The following TNR variants were observed in gnomAD, a reference collection of about 807,000 sequenced individuals.
TNR encodes the protein tenascin R.
In TNR, 45 loss-of-function variants were observed where a neutral mutation model predicts 150.4. The observed-to-expected ratio is 0.30, with a 90% CI of 0.24 to 0.38. The LOEUF (loss-of-function observed/expected upper bound fraction) is 0.38, where lower values mean the gene tolerates loss of function less well. Among genes scored for constraint, TNR ranks in the 10% least tolerant of loss-of-function variants. The probability of loss-of-function intolerance (pLI) is 1.00; values close to 1 mark genes in which losing one functional copy is unlikely to be tolerated. For synonymous variants in TNR, 687 were observed against 678.4 expected (o/e 1.01, Z -0.20); for missense variants, 1,544 against 1,759.1 (o/e 0.88, Z 2.19).
intron 20 of TNR, among the ~76,000 whole-genome samples, chr1:175,334,013 T>C (rs2101989120): frequency 6.6e-6 from 1 of 151,820 alleles, no homozygotes; most frequent in East Asian, 1.9e-4. Context: ...TGTAGAGGAG[T>C]CTTCAGAGGC....
intron 1 of TNR, among the ~76,000 whole-genome samples, chr1:175,579,672 G>T (rs966360882): frequency 6.6e-6 from 1 of 151,142 alleles, no homozygotes; most frequent in Non-Finnish European, 1.5e-5. Context: ...GGTCAGTTTG[G>T]GATGGTGATG....
At chr1:175,439,866 C>T (rs1279317474) in intron 2 of TNR, among the ~76,000 whole-genome samples, 1 of 152,132 alleles carries the variant, frequency 6.6e-6, no homozygotes, top group Non-Finnish European at 1.5e-5. Context: ...ATTAAAAAGT[C>T]AAGAAACAAC....
At position 175,356,474 on chromosome 1, in the gene TNR, T is replaced by C. The variant is rs2102006806; in HGVS notation, c.2975-12A>G. The C allele has an allele frequency of 6.2e-7, 1 of 1,613,600 alleles. No homozygotes were observed. Among genetic ancestry groups the C allele is most frequent in the East Asian group, 2.2e-5 (1 of 44,858 alleles). On this transcript the variant is annotated splice_polypyrimidine_tract_variant and intron_variant, in intron 15 of 22. Transcript: ENST00000367674. ...GGTCTCTCCAGCGACTGAACTCAAA[T>C]GAATATGAATAAGGGTTGAATAAGG... is the stretch of plus-strand genomic sequence containing the variant.
intron 1 of TNR, among the ~76,000 whole-genome samples, chr1:175,653,500 T>C (rs531977643): frequency 2.0e-5 from 3 of 152,260 alleles, no homozygotes; most frequent in Admixed American, 6.5e-5. Flanking sequence ...AAGTGGGTGT[T>C]GATAGGGCTA....
chr1:175,330,941 T>C (rs1649719277), intron 20 of TNR, among the ~76,000 whole-genome samples: 1 of 152,204 alleles, frequency 6.6e-6, no homozygotes. Context: ...TATATTCTTT[T>C]AAGGTGCAAA....
At chr1:175,716,451 G>A (rs974181023) in intron 1 of TNR, among the ~76,000 whole-genome samples, 2 of 152,132 alleles carry the variant, frequency 1.3e-5, no homozygotes, top group Non-Finnish European at 2.9e-5. Flanking sequence ...GTCATGGCTT[G>A]TAAGTTCCTG....
At chr1:175,686,885 C>T (rs1205395216) in intron 1 of TNR, among the ~76,000 whole-genome samples, 1 of 152,168 alleles carries the variant, frequency 6.6e-6, no homozygotes, top group African/African-American at 2.4e-5. Flanking sequence ...TTATCTAGCT[C>T]ACCATTGATG....
intron 14 of TNR, among the ~76,000 whole-genome samples, chr1:175,360,903 C>T (rs550298658): frequency 1.3e-5 from 2 of 152,276 alleles, no homozygotes; most frequent in South Asian, 2.1e-4. Flanking sequence ...CCACAACAAA[C>T]ATACAACAGC....
chr1:175,606,887 C>T (rs920741661), intron 1 of TNR, among the ~76,000 whole-genome samples: 2 of 152,218 alleles, frequency 1.3e-5, no homozygotes, highest in Non-Finnish European at 2.9e-5. Flanking sequence ...ATGCCCAGTG[C>T]ACTCCAGGGC....
intron 1 of TNR, among the ~76,000 whole-genome samples, chr1:175,641,110 C>A (rs1208212521): frequency 1.3e-5 from 2 of 151,804 alleles, no homozygotes; most frequent in Non-Finnish European, 2.9e-5. Flanking sequence ...AACTATAGAG[C>A]AAAATAAAAT....
intron 1 of TNR, among the ~76,000 whole-genome samples, chr1:175,633,221 A>G (rs1664388438): frequency 6.6e-6 from 1 of 152,146 alleles, no homozygotes; most frequent in South Asian, 2.1e-4. Context: ...GGGTCTTTCT[A>G]TTATTCATAC....
chr1:175,630,482 G>A (rs1026789058), intron 1 of TNR, among the ~76,000 whole-genome samples: 6 of 152,182 alleles, frequency 3.9e-5, no homozygotes, highest in Non-Finnish European at 5.9e-5. Context: ...GGGGTTAGGC[G>A]CTGTACATAC....
Position 175,394,286 on chromosome 1 carries a change from A to AC in TNR, c.1241-392dup, listed in dbSNP as rs573326029. ...GCAGTATCTTTAGAAGCTTTACAGG[A>AC]CTCCCGGGAGGTACTATGATGGCTT... On this transcript the variant is annotated intron_variant, in intron 5 of 22. Coordinates refer to ENST00000367674, the MANE Select transcript of TNR (RefSeq NM_003285.3). Among the ~76,000 whole-genome samples the AC allele has an allele frequency of 2.2e-4, 33 of 151,876 alleles. No homozygotes were observed. The East Asian group carries it at 4.6e-3, about 21-fold the overall frequency.
intron 1 of TNR, among the ~76,000 whole-genome samples, chr1:175,572,069 G>A (rs1006095166): frequency 6.6e-6 from 1 of 152,110 alleles, no homozygotes; most frequent in Non-Finnish European, 1.5e-5. Flanking sequence ...AGCAGTCTGT[G>A]CTGTCTGAGC....
intron 2 of TNR, among the ~76,000 whole-genome samples, chr1:175,514,169 C>T (rs563549228): frequency 6.6e-6 from 1 of 152,286 alleles, no homozygotes; most frequent in South Asian, 2.1e-4. Flanking sequence ...ACCTGATGAA[C>T]TGGGTATTCC....
At chr1:175,552,165 C>A (rs533500010) in intron 1 of TNR, among the ~76,000 whole-genome samples, 1 of 152,234 alleles carries the variant, frequency 6.6e-6, no homozygotes, top group African/African-American at 2.4e-5. Flanking sequence ...AATTCCATGT[C>A]GGTAGGTAGG....
chr1:175,464,342 AAT>A (rs1656940072), intron 2 of TNR, among the ~76,000 whole-genome samples: 1 of 152,222 alleles, frequency 6.6e-6, no homozygotes, highest in South Asian at 2.1e-4. Flanking sequence ...TGGTAAGTGA[AAT>A]GTGAACAATC....
At chr1:175,356,633 CTCATA>C (rs748188456) in intron 15 of TNR, among the ~76,000 whole-genome samples, 171 bp from the exon 16 acceptor site, 28 of 152,266 alleles carry the variant, frequency 1.8e-4, no homozygotes, top group Admixed American at 3.9e-4. Flanking sequence ...CCCCTCTCAT[CTCATA>C]TCATAATTGA....
chr1:175,696,837 C>G (rs1666543021), intron 1 of TNR, among the ~76,000 whole-genome samples: 1 of 149,446 alleles, frequency 6.7e-6, no homozygotes. Flanking sequence ...CGAGATCGTG[C>G]CATTGCACTT....
Sources: gnomAD v4.1 joint callset for allele counts (sites outside exome capture counted in the v4.1 genomes callset) on GRCh38, gnomAD v4.1.1 for gene constraint, MANE v1.5 for transcripts, NCBI Gene and HGNC (gene_info 2026-07-23, HGNC 2026-07-21) for gene names.